The following SGCD variants were observed in gnomAD, a reference collection of about 807,000 sequenced individuals.
The protein encoded by SGCD is delta-sarcoglycan.
In SGCD, 18 loss-of-function variants were observed where a neutral mutation model predicts 36.6. That is an observed-to-expected ratio of 0.49 (90% CI 0.34 to 0.73). SGCD has a LOEUF of 0.73. SGCD is among the 30% of genes least tolerant of loss of function. The pLI is 0.01. For missense variants in SGCD, 387 were observed against 346.7 expected (o/e 1.12, Z -0.92); for synonymous variants, 133 against 130.6 (o/e 1.02, Z -0.12).
chr5:155,997,155 G>A (rs1758570992), intron 1 of SGCD, among the ~76,000 whole-genome samples: 1 of 152,150 alleles, frequency 6.6e-6, no homozygotes, highest in Non-Finnish European at 1.5e-5. Flanking sequence ...TTATTTTGTG[G>A]TGACTATGTA....
intron 1 of SGCD, among the ~76,000 whole-genome samples, chr5:155,943,457 C>T (rs17053040): frequency 0.099 from 15,074 of 152,016 alleles, 846 homozygotes; most frequent in South Asian, 0.17. Context: ...GCACCTACTT[C>T]GTACAAGAAA....
intron 7 of SGCD, among the ~76,000 whole-genome samples, chr5:156,734,259 G>A (rs1561884182): frequency 6.6e-6 from 1 of 151,726 alleles, no homozygotes. Flanking sequence ...CTGTTAGTCT[G>A]ATGGGTTTCC....
intron 3 of SGCD, among the ~76,000 whole-genome samples, chr5:156,231,707 T>C (rs951469714): frequency 9.2e-5 from 14 of 152,148 alleles, no homozygotes; most frequent in East Asian, 3.9e-4. Flanking sequence ...ATTCAAACTT[T>C]AGATATATAG....
At chr5:155,951,552 TG>T (rs1329170395) in intron 1 of SGCD, among the ~76,000 whole-genome samples, 3 of 152,226 alleles carry the variant, frequency 2.0e-5, no homozygotes, top group Non-Finnish European at 4.4e-5. Flanking sequence ...TGTTATTTTT[TG>T]TGCATGCCTA....
the SGCD span, among the ~76,000 whole-genome samples, chr5:155,849,507 A>G: frequency 6.6e-6 from 1 of 152,222 alleles, no homozygotes; most frequent in Non-Finnish European, 1.5e-5. Context: ...ATTTGCAAAA[A>G]TACATTTCCC....
intron 1 of SGCD, among the ~76,000 whole-genome samples, chr5:156,056,894 A>C (rs1760079792): frequency 1.4e-5 from 2 of 145,968 alleles, no homozygotes; most frequent in Admixed American, 1.4e-4. Flanking sequence ...ATCTGTGGCA[A>C]GCGATGACTG....
intron 3 of SGCD, among the ~76,000 whole-genome samples, chr5:156,129,758 G>A (rs927775609): frequency 1.3e-4 from 20 of 152,172 alleles, no homozygotes; most frequent in Admixed American, 7.2e-4. Flanking sequence ...TTCTGTTCCT[G>A]TGTTGGTTTG....
At chr5:155,966,212 G>A (rs1013448761) in intron 1 of SGCD, among the ~76,000 whole-genome samples, 4 of 152,078 alleles carry the variant, frequency 2.6e-5, no homozygotes, top group African/African-American at 9.7e-5. Flanking sequence ...CAGTCAACGT[G>A]AGACCACATC....
the SGCD span, among the ~76,000 whole-genome samples, chr5:155,793,823 A>G: frequency 2.6e-5 from 4 of 152,062 alleles, no homozygotes; most frequent in African/African-American, 9.7e-5. Flanking sequence ...TGCTGGAATT[A>G]TGGGGATGAG....
intron 1 of SGCD, among the ~76,000 whole-genome samples, chr5:155,959,587 T>A (rs909609525): frequency 2.0e-5 from 3 of 152,168 alleles, no homozygotes; most frequent in African/African-American, 7.2e-5. Context: ...AGAATTTTGG[T>A]GAGATGCCTT....
At chr5:156,114,802 T>C (rs1270057729) in intron 1 of SGCD, among the ~76,000 whole-genome samples, 1 of 152,144 alleles carries the variant, frequency 6.6e-6, no homozygotes, top group African/African-American at 2.4e-5. Context: ...TGATTAATGT[T>C]CTTACAGGCC....
chr5:156,306,217 A>G (rs1202858255), intron 3 of SGCD, among the ~76,000 whole-genome samples: 2 of 152,148 alleles, frequency 1.3e-5, no homozygotes, highest in African/African-American at 2.4e-5. Flanking sequence ...TTGAATTCCC[A>G]TGTATTGCGA....
Position 156,176,433 on chromosome 5 carries a change from A to T in SGCD, c.-44+52414A>T, listed in dbSNP as rs373716993. 1.6e-4 allele frequency among the ~76,000 whole-genome samples: 24 copies of T among 152,304 alleles called. No individual in the cohort carries two copies. In the East Asian group the frequency reaches 2.7e-3, roughly 17 times the overall value. On this transcript the variant is annotated intron_variant, in intron 3 of 9. Transcript: ENST00000517913. ...ATGCCATTTTTTGATATGCTAGGAG[A>T]TTAAAAATGTTGAAAAGACAAAAAA...
chr5:155,989,940 T>C (rs1276040263), intron 1 of SGCD, among the ~76,000 whole-genome samples: 1 of 152,230 alleles, frequency 6.6e-6, no homozygotes, highest in Non-Finnish European at 1.5e-5. Flanking sequence ...GCCAGACTGA[T>C]AGCTTGTGAA....
At chr5:155,786,411 G>A in the SGCD span, among the ~76,000 whole-genome samples, 2 of 152,052 alleles carry the variant, frequency 1.3e-5, no homozygotes, top group South Asian at 4.2e-4. Context: ...GAAACATCCT[G>A]GGCAGACTTG....
In SGCD at chr5:155,873,549, G is replaced by A. The variant is rs73299500; in HGVS notation, c.-282+3125G>A. Among the ~76,000 whole-genome samples, 274 of 152,258 alleles carry A rather than the reference G, an allele frequency of 1.8e-3. 1 individual carries two copies. The highest frequency in any genetic ancestry group is 6.2e-3 in the African/African-American group (259 of 41,556). ...GGTGCCAGGGTGGTGCCGGAGGGAC[G>A]AGAAATTATAATACTTAATGGATAC... On this transcript the variant is annotated intron_variant, in intron 1 of 9. Transcript: ENST00000517913.
chr5:156,721,052 A>G (rs1319371091), intron 7 of SGCD, among the ~76,000 whole-genome samples: 2 of 152,212 alleles, frequency 1.3e-5, no homozygotes, highest in African/African-American at 4.8e-5. Context: ...GATAGCCTCA[A>G]TGATTGTAGC....
intron 2 of SGCD, among the ~76,000 whole-genome samples, chr5:156,121,148 A>G (rs1442969046): frequency 2.0e-5 from 3 of 152,172 alleles, no homozygotes; most frequent in Non-Finnish European, 1.5e-5. Context: ...ATATGATAAA[A>G]GATGGAAAGA....
At chr5:156,345,047 G>T (rs962098354) in intron 3 of SGCD, among the ~76,000 whole-genome samples, 87 of 152,302 alleles carry the variant, frequency 5.7e-4, no homozygotes, top group African/African-American at 2.0e-3. Flanking sequence ...ATTATAAAAG[G>T]TTTTTTGAAG....
Sources: gnomAD v4.1 joint callset for allele counts (sites outside exome capture counted in the v4.1 genomes callset) on GRCh38, gnomAD v4.1.1 for gene constraint, MANE v1.5 for transcripts, NCBI Gene and HGNC (gene_info 2026-07-23, HGNC 2026-07-21) for gene names.